ATP11A: variants seen among roughly 807,000 people sequenced by gnomAD.
ATP11A encodes the protein ATPase phospholipid transporting 11A.
In ATP11A, 81 loss-of-function variants were observed where a neutral mutation model predicts 154.4. The ratio of observed to expected loss-of-function variants is 0.52; its 90% CI spans 0.44 to 0.63. The LOEUF is 0.63. Among genes scored for constraint, ATP11A ranks in the 30% least tolerant of loss-of-function variants. The pLI is 0.00. For synonymous variants in ATP11A, 623 were observed against 585.9 expected (o/e 1.06, Z -0.91); for missense variants, 1,316 against 1,474.3 (o/e 0.89, Z 1.76).
Position 112,785,358 on chromosome 13 carries a change from C to T in ATP11A, c.162+101C>T. On this transcript the variant is annotated intron_variant, in intron 2 of 29. Transcript: ENST00000375645. The surrounding 1 kb of genome is among the most constrained non-coding windows in gnomAD (Gnocchi z 4.8). ...TCAAAGAGCGGCTCTGCTCCTGGCC[C>T]TGCTGTCACAGCCACCAGCCACCCC... The T allele has an allele frequency of 7.8e-7, 1 of 1,288,276 alleles. No individual in the cohort carries two copies. The highest frequency in any genetic ancestry group is 1.0e-6 in the Non-Finnish European group (1 of 1,000,412). The allele number at this position is 1,288,276 out of a possible 1,614,324, so 79.8% of individuals were successfully genotyped here. A position where few individuals can be genotyped will look rare whatever the true frequency, so the allele number is the denominator to read the frequency against.
intron 1 of ATP11A, among the ~76,000 whole-genome samples, chr13:112,719,039 C>T (rs1476895233): frequency 2.0e-5 from 3 of 152,084 alleles, no homozygotes; most frequent in Non-Finnish European, 4.4e-5. Flanking sequence ...ATGGCTTTAA[C>T]AGAAGAAGAG....
chr13:112,697,886 T>C lies in ATP11A; in HGVS notation c.39+7431T>C, dbSNP rs1217162201. ...ACCACGCCCAGCCCTGAAACTACTT[T>C]CATTTTAAAACGATGAGTTCCTAAG... On this transcript the variant is annotated intron_variant, in intron 1 of 29. Coordinates refer to ENST00000375645, the MANE Select transcript of ATP11A (RefSeq NM_015205.3). The surrounding 1 kb of genome is among the most constrained non-coding windows in gnomAD (Gnocchi z 4.0). Among the ~76,000 whole-genome samples, 1 of 152,118 alleles carries C rather than the reference T, an allele frequency of 6.6e-6. No individual in the cohort carries two copies. Among genetic ancestry groups the C allele is most frequent in the Non-Finnish European group, 1.5e-5 (1 of 68,022 alleles).
chr13:112,844,855 C>T (rs9549569), intron 17 of ATP11A, among the ~76,000 whole-genome samples: 40,929 of 131,780 alleles, frequency 0.31, 7,838 homozygotes, highest in African/African-American at 0.46. Flanking sequence ...GTCCAGTTGC[C>T]GGGCACTAAC....
At position 112,843,875 on chromosome 13, in the gene ATP11A, G is replaced by A. The variant is rs368990433; in HGVS notation, c.1809+1496G>A. On this transcript the variant is annotated intron_variant, in intron 17 of 29. Transcript: ENST00000375645. ...GCTCCTGGCACTACAAAGTAGCTGC[G>A]TTGGAGCCAACAGGAATCCATAAAT... Among the ~76,000 whole-genome samples the A allele has an allele frequency of 2.4e-4, 37 of 152,326 alleles. No individual in the cohort carries two copies. The East Asian group carries it at 2.9e-3, about 12-fold the overall frequency.
At chr13:112,707,846 CA>C (rs1040925405) in intron 1 of ATP11A, among the ~76,000 whole-genome samples, 1 of 151,968 alleles carries the variant, frequency 6.6e-6, no homozygotes, top group Non-Finnish European at 1.5e-5. Context: ...AAACTTGCAC[CA>C]AAAAAAGGTC....
At chr13:112,860,720 C>A in intron 24 of ATP11A, 1 of 237,682 alleles carries the variant, frequency 4.2e-6, no homozygotes, top group Non-Finnish European at 8.2e-6. Context: ...CTCGTTGTGA[C>A]CCTAGGGAAT....
At chr13:112,843,197 G>A (rs929162667) in intron 17 of ATP11A, among the ~76,000 whole-genome samples, 1 of 152,066 alleles carries the variant, frequency 6.6e-6, no homozygotes, top group African/African-American at 2.4e-5. Flanking sequence ...GCTCCCTCCT[G>A]TGAGATGCCC....
intron 12 of ATP11A, among the ~76,000 whole-genome samples, chr13:112,828,643 T>C (rs2079010919): frequency 6.6e-6 from 1 of 152,220 alleles, no homozygotes; most frequent in South Asian, 2.1e-4. Context: ...AGATTTCTTC[T>C]CTGCCCTCTT....
chr13:112,839,995 C>T (rs925298513), intron 16 of ATP11A, among the ~76,000 whole-genome samples: 4 of 152,088 alleles, frequency 2.6e-5, no homozygotes, highest in African/African-American at 4.8e-5. Flanking sequence ...GTTTAACCCC[C>T]GGGCCCTGCT....
chr13:112,838,878 T>C lies in ATP11A; in HGVS notation c.1705+2627T>C, dbSNP rs111304301. The stretch of plus-strand genomic sequence containing the variant: ...TAAGTAGTAGTCATCCCCGGAGAGG[T>C]TCACTAATTGCACTGGAGTTCTCCC... On this transcript the variant is annotated intron_variant, in intron 16 of 29. Transcript: ENST00000375645. The surrounding 1 kb of genome is among the most constrained non-coding windows in gnomAD (Gnocchi z 7.3). Among the ~76,000 whole-genome samples the C allele has an allele frequency of 8.9e-3, 1,349 of 152,088 alleles. 23 individuals carry two copies. Among genetic ancestry groups the C allele is most frequent in the African/African-American group, 0.03 (1,248 of 41,484 alleles).
chr13:112,731,475 G>T (rs1890476393), intron 1 of ATP11A, among the ~76,000 whole-genome samples: 1 of 152,176 alleles, frequency 6.6e-6, no homozygotes, highest in Admixed American at 6.5e-5. Context: ...ATTCCAGCCA[G>T]CTGAGGTTCT....
rs879873277 is a variant in ATP11A at position 112,746,487 on chromosome 13, C to T, written c.40-38648C>T. On this transcript the variant is annotated intron_variant, in intron 1 of 29. Coordinates refer to ENST00000375645, the MANE Select transcript of ATP11A (RefSeq NM_015205.3). This position sits in a 1 kb window ranked among gnomAD's most constrained non-coding sequence, Gnocchi z 4.1. ...CCCACGTCCTCACCGGCACTTGGCA[C>T]TGTCTAGTGTTTTGGTAGCAGCCAT... 2 of 152,182 alleles carry T rather than the reference C, an allele frequency of 1.3e-5. No individual in the cohort carries two copies. The highest frequency in any genetic ancestry group is 1.3e-4 in the Admixed American group (2 of 15,278). The allele number at this position is 152,182 out of a possible 1,614,324, so 9.4% of individuals were successfully genotyped here. A position where few individuals can be genotyped will look rare whatever the true frequency, so the allele number is the denominator to read the frequency against.
chr13:112,866,279 G>A (rs777457039), intron 25 of ATP11A, among the ~76,000 whole-genome samples: 55 of 152,278 alleles, frequency 3.6e-4, no homozygotes, highest in Admixed American at 5.9e-4. Flanking sequence ...TTTGTCGGTA[G>A]AAACGCTGTT....
chr13:112,796,823 G>A lies in ATP11A; in HGVS notation c.163-8134G>A, dbSNP rs4907766. Among the ~76,000 whole-genome samples the A allele has an allele frequency of 5.5e-3, 834 of 152,202 alleles. 6 individuals carry two copies. Among genetic ancestry groups the A allele is most frequent in the African/African-American group, 0.018 (749 of 41,508 alleles). ...ATCATACACCTGCCCTAGCCACATC[G>A]GGGATTTGTAATACAGGCTGCTCAG... is the stretch of plus-strand genomic sequence containing the variant. On this transcript the variant is annotated intron_variant, in intron 2 of 29. Coordinates refer to ENST00000375645, the MANE Select transcript of ATP11A (RefSeq NM_015205.3).
intron 1 of ATP11A, among the ~76,000 whole-genome samples, chr13:112,731,651 G>A (rs78840004): frequency 0.011 from 1,674 of 152,252 alleles, 36 homozygotes; most frequent in African/African-American, 0.039. Flanking sequence ...AGGAAGGTGC[G>A]GGAGGAGACA....
chr13:112,784,433 C>T (rs539277134), intron 1 of ATP11A, among the ~76,000 whole-genome samples: 1 of 152,274 alleles, frequency 6.6e-6, no homozygotes, highest in African/African-American at 2.4e-5. Context: ...ACCCCAGTAT[C>T]ATAGTTTTTC....
At chr13:112,700,535 G>A (rs900554345) in intron 1 of ATP11A, among the ~76,000 whole-genome samples, 2 of 152,250 alleles carry the variant, frequency 1.3e-5, no homozygotes, top group African/African-American at 4.8e-5. Context: ...GCTGAGGGTG[G>A]TGGGTGGGCG....
intron 2 of ATP11A, among the ~76,000 whole-genome samples, chr13:112,786,694 T>C (rs935332399): frequency 1.1e-4 from 16 of 148,706 alleles, no homozygotes; most frequent in African/African-American, 3.9e-4. Flanking sequence ...TCCATTTATC[T>C]TCACCGTCCT....
At chr13:112,751,801 G>A (rs915393392) in intron 1 of ATP11A, among the ~76,000 whole-genome samples, 2 of 151,176 alleles carry the variant, frequency 1.3e-5, no homozygotes, top group Admixed American at 1.3e-4. Flanking sequence ...GTGATCCCGC[G>A]TCACTGCAGC....
Sources: gnomAD v4.1 joint callset for allele counts (sites outside exome capture counted in the v4.1 genomes callset) on GRCh38, gnomAD v4.1.1 for gene constraint, Gnocchi (gnomAD v3.1) non-coding constraint, MANE v1.5 for transcripts, NCBI Gene and HGNC (gene_info 2026-07-23, HGNC 2026-07-21) for gene names.